The following GPR157 variants were observed in gnomAD, a reference collection of about 807,000 sequenced individuals.
The protein encoded by GPR157 is G protein-coupled receptor 157.
GPR157 carries 16 observed loss-of-function variants against 23.5 expected under a neutral mutation model. That is an observed-to-expected ratio of 0.68 (90% confidence interval 0.46 to 1.04). The LOEUF (loss-of-function observed/expected upper bound fraction) is 1.04. Ranked by LOEUF, GPR157 falls within the 50% of genes least tolerant of loss-of-function variation. The probability of loss-of-function intolerance (pLI) is 0.00; values close to 1 mark genes in which losing one functional copy is unlikely to be tolerated. For synonymous variants in GPR157, 200 were observed against 221.5 expected (o/e 0.90, Z 0.86); for missense variants, 440 against 460.7 (o/e 0.96, Z 0.41).
Position 9,128,595 on chromosome 1 carries a change from G to T in GPR157, c.383+50C>A, listed in dbSNP as rs765202863. ...CCTCTGGGAGGGCAAGACCGGGAGG[G>T]GTCGGCCTGTGTCGGGGGCTCCTGG... On this transcript the variant is annotated intron_variant, in intron 1 of 3. Coordinates refer to ENST00000377411, the MANE Select transcript of GPR157 (RefSeq NM_024980.5). This position sits in a 1 kb window ranked among gnomAD's most constrained non-coding sequence, Gnocchi z 6.3. The T allele has an allele frequency of 1.3e-6, 2 of 1,563,286 alleles. No individual in the cohort carries two copies. Among genetic ancestry groups the T allele is most frequent in the East Asian group, 2.3e-5 (1 of 44,298 alleles).
Position 9,105,141 on chromosome 1 carries a change from C to G in GPR157, c.792+345G>C, listed in dbSNP as rs1006411100. On this transcript the variant is annotated intron_variant, in intron 3 of 3. Transcript: ENST00000377411. The surrounding 1 kb of genome is among the most constrained non-coding windows in gnomAD (Gnocchi z 4.8). ...TGCTGTGTACCCCAGAACCTCCCCCCATCCTCCCCGCCATGGCTGATCTGG... is the reference window on the plus strand; with the variant it reads ...TGCTGTGTACCCCAGAACCTCCCCCGATCCTCCCCGCCATGGCTGATCTGG... 6.6e-6 allele frequency among the ~76,000 whole-genome samples: 1 copy of G among 152,022 alleles called. No individual in the cohort carries two copies. The highest frequency in any genetic ancestry group is 2.1e-4 in the South Asian group (1 of 4,822).
At chr1:9,112,938 AT>A (rs1233742279) in intron 1 of GPR157, among the ~76,000 whole-genome samples, 78 of 152,114 alleles carry the variant, frequency 5.1e-4, no homozygotes, top group Non-Finnish European at 4.4e-5. Context: ...GTGGGCTTGG[AT>A]TTTAGTGCAG....
Position 9,120,716 on chromosome 1 carries a change from C to T in GPR157, c.383+7929G>A, listed in dbSNP as rs1638780849. On this transcript the variant is annotated intron_variant, in intron 1 of 3. Transcript: ENST00000377411. The surrounding 1 kb of genome is among the most constrained non-coding windows in gnomAD (Gnocchi z 4.1). ...GATGCACACTCATGCCCTAGTGCCA[C>T]CGTCTGTAGCCCTCAGCTCAGGGAT... is the stretch of plus-strand genomic sequence containing the variant. Among the ~76,000 whole-genome samples, 1 of 152,180 alleles carries T rather than the reference C, an allele frequency of 6.6e-6. No individual in the cohort carries two copies. The highest frequency in any genetic ancestry group is 2.1e-4 in the South Asian group (1 of 4,824).
At chr1:9,116,730 GAA>G (rs70985593) in intron 1 of GPR157, among the ~76,000 whole-genome samples, 29 of 122,520 alleles carry the variant, frequency 2.4e-4, no homozygotes, top group African/African-American at 3.6e-4. Context: ...GGTGACAGAG[GAA>G]AAAAAAAAAA....
chr1:9,107,431 A>C (rs1168851074), intron 2 of GPR157, among the ~76,000 whole-genome samples: 2 of 152,032 alleles, frequency 1.3e-5, no homozygotes, highest in East Asian at 3.9e-4. Flanking sequence ...TTGAGCCCAG[A>C]AATTTGAGAG....
rs769153020 is a variant in GPR157 at position 9,104,620 on chromosome 1, C to T, written c.807G>A (p.Thr269=). 9 of 1,605,860 alleles carry T rather than the reference C, an allele frequency of 5.6e-6. No homozygotes were observed. The highest frequency in any genetic ancestry group is 2.2e-5 in the East Asian group (1 of 44,646). ...VLVVLHGIGN[T]FQGGANCIMF... is the part of the protein sequence containing the mutation. ...TGATGCAGTTGGCACCTCCCTGAAACGTGTTCCCGATACCCTGTCGGGAGA... is the reference window on the plus strand; with the variant it reads ...TGATGCAGTTGGCACCTCCCTGAAATGTGTTCCCGATACCCTGTCGGGAGA... Residue 269 remains threonine (T), a synonymous_variant, in exon 4 of 4, where the codon ACG becomes ACA. Transcript: ENST00000377411.
chr1:9,102,857 C>T lies in GPR157; in HGVS notation c.*1562G>A, dbSNP rs570482950. ...TTTAAATGTAAATAATCGCTCCATG[C>T]TCCATGCCGCCACTTACCTCAGCTG... On this transcript the variant is annotated 3_prime_UTR_variant, in exon 4 of 4. Transcript: ENST00000377411. 3.3e-5 allele frequency: 5 copies of T among 152,302 alleles called. No homozygotes were observed. The South Asian group carries it at 1.0e-3, about 32-fold the overall frequency. 9.4% of individuals were successfully genotyped at this position (152,302 alleles called of 1,614,324 possible). A position where few individuals can be genotyped will look rare whatever the true frequency, so the allele number is the denominator to read the frequency against.
In GPR157 at chr1:9,101,433, C is replaced by T. The variant is rs1472744847; in HGVS notation, c.*2986G>A. On this transcript the variant is annotated 3_prime_UTR_variant, in exon 4 of 4. Coordinates refer to ENST00000377411, the MANE Select transcript of GPR157 (RefSeq NM_024980.5). ...AGCACTACCCACCCAGCTAGACTGA[C>T]TTGGTAACTGGATCTAAGAAGGAGG... The T allele has an allele frequency of 6.6e-6, 1 of 152,206 alleles. No individual in the cohort carries two copies. Among genetic ancestry groups the T allele is most frequent in the Non-Finnish European group, 1.5e-5 (1 of 68,074 alleles). 9.4% of individuals were successfully genotyped at this position (152,206 alleles called of 1,614,324 possible). A position where few individuals can be genotyped will look rare whatever the true frequency, so the allele number is the denominator to read the frequency against.
At chr1:9,110,863 G>A (rs1638471832) in intron 2 of GPR157, among the ~76,000 whole-genome samples, 1 of 152,046 alleles carries the variant, frequency 6.6e-6, no homozygotes, top group Non-Finnish European at 1.5e-5. Context: ...CCCTGGGGCA[G>A]CCCGGCCTTG....
intron 1 of GPR157, among the ~76,000 whole-genome samples, chr1:9,125,536 G>A (rs1276559290): frequency 6.6e-6 from 1 of 152,152 alleles, no homozygotes; most frequent in Non-Finnish European, 1.5e-5. Flanking sequence ...GCTCTCCTGG[G>A]AACTTGTGCA....
chr1:9,123,575 A>AATATATATTTAAAAT (rs1394110944), intron 1 of GPR157, among the ~76,000 whole-genome samples: 4 of 114,388 alleles, frequency 3.5e-5, no homozygotes, highest in Admixed American at 1.1e-4. Context: ...ATATATTTTA[A>AATATATATTTAAAAT]ATATATATTT....
chr1:9,123,883 C>T (rs571331890), intron 1 of GPR157, among the ~76,000 whole-genome samples: 1 of 143,438 alleles, frequency 7.0e-6, no homozygotes, highest in Admixed American at 7.1e-5. Flanking sequence ...GGCTGGAGTA[C>T]AATGGCACAA....
At chr1:9,106,153 G>C (rs1472328069) in intron 2 of GPR157, among the ~76,000 whole-genome samples, 1 of 151,992 alleles carries the variant, frequency 6.6e-6, no homozygotes. Flanking sequence ...CTCCTGCCTC[G>C]GCCTCTCAAA....
Position 9,128,974 on chromosome 1 carries a change from C to A in GPR157, c.54G>T (p.Val18=). 1 of 1,382,756 alleles carries A rather than the reference C, an allele frequency of 7.2e-7. No individual in the cohort carries two copies. The highest frequency in any genetic ancestry group is 3.3e-5 in the Admixed American group (1 of 30,266). 85.7% of individuals were successfully genotyped at this position (1,382,756 alleles called of 1,614,324 possible). A position where few individuals can be genotyped will look rare whatever the true frequency, so the allele number is the denominator to read the frequency against. Residue 18 remains valine, a synonymous_variant, in exon 1 of 4, where the codon GTG becomes GTT. Transcript: ENST00000377411. The surrounding 1 kb of genome is among the most constrained non-coding windows in gnomAD (Gnocchi z 6.3). ...TELVPSERAV[V]LLSCALSALG... ...GCGCGGAGAGTGCGCACGACAGCAG[C>A]ACCACGGCGCGCTCCGACGGCACCA... is the stretch of plus-strand genomic sequence containing the variant.
chr1:9,117,686 C>T (rs1427644501), intron 1 of GPR157, among the ~76,000 whole-genome samples: 1 of 151,996 alleles, frequency 6.6e-6, no homozygotes, highest in Admixed American at 6.6e-5. Context: ...CACTTGAACC[C>T]GGGAGGTGGA....
chr1:9,103,185 C>T lies in GPR157; in HGVS notation c.*1234G>A, dbSNP rs1443345142. On this transcript the variant is annotated 3_prime_UTR_variant, in exon 4 of 4. Coordinates refer to ENST00000377411, the MANE Select transcript of GPR157 (RefSeq NM_024980.5). Reference sequence around the variant, plus strand: ...AGAAATCGTATTTGTTTGTTTGAGACCGAGTTTCACTCTTGTTGCCCAGGC... The same window carrying T: ...AGAAATCGTATTTGTTTGTTTGAGATCGAGTTTCACTCTTGTTGCCCAGGC... 6.6e-6 allele frequency: 1 copy of T among 151,094 alleles called. No individual in the cohort carries two copies. Among genetic ancestry groups the T allele is most frequent in the Non-Finnish European group, 1.5e-5 (1 of 67,856 alleles). 9.4% of individuals were successfully genotyped at this position (151,094 alleles called of 1,614,324 possible). A position where few individuals can be genotyped will look rare whatever the true frequency, so the allele number is the denominator to read the frequency against.
intron 1 of GPR157, among the ~76,000 whole-genome samples, chr1:9,112,063 C>T (rs913083988): frequency 1.3e-5 from 2 of 152,220 alleles, no homozygotes; most frequent in African/African-American, 4.8e-5. Context: ...TGTTGTGAGT[C>T]ACGTCCTGCT....
intron 1 of GPR157, among the ~76,000 whole-genome samples, chr1:9,126,029 A>G (rs1050907339): frequency 6.7e-5 from 10 of 149,372 alleles, no homozygotes; most frequent in African/African-American, 2.0e-4. Flanking sequence ...CAGTGGCGCG[A>G]TCGTGGCTCA....
intron 2 of GPR157, among the ~76,000 whole-genome samples, chr1:9,109,297 G>T (rs1371093100): frequency 6.7e-6 from 1 of 149,746 alleles, no homozygotes; most frequent in Non-Finnish European, 1.5e-5. Context: ...TGGCCAGGCT[G>T]GTCTTGAACT....
Sources: allele counts gnomAD v4.1 joint callset (sites outside exome capture counted in the v4.1 genomes callset), GRCh38; gene constraint gnomAD v4.1.1; non-coding constraint Gnocchi (gnomAD v3.1); transcripts MANE v1.5; gene names NCBI Gene and HGNC (gene_info 2026-07-23, HGNC 2026-07-21).